Variants in PROM1 observed in about 807,000 individuals in gnomAD.
The protein encoded by PROM1 is prominin-1.
In PROM1, 105 loss-of-function variants were observed where a neutral mutation model predicts 116.9. The observed-to-expected ratio is 0.90, with a 90% CI of 0.77 to 1.06. The LOEUF is 1.06. Ranked by LOEUF, PROM1 falls within the 50% of genes least tolerant of loss-of-function variation. The pLI, the probability that PROM1 is intolerant of heterozygous loss-of-function variation, is 0.00. For synonymous variants in PROM1, 393 were observed against 387.0 expected (o/e 1.02, Z -0.18); for missense variants, 1,122 against 1,045.2 (o/e 1.07, Z -1.01).
chr4:16,083,059 C>T (rs1165286860), intron 1 of PROM1, among the ~76,000 whole-genome samples: 2 of 152,010 alleles, frequency 1.3e-5, no homozygotes, highest in East Asian at 3.9e-4. Flanking sequence ...CCCACGGACG[C>T]GGGGAGATGG....
Position 16,032,042 on chromosome 4 carries a change from C to T in PROM1, c.509+1262G>A, listed in dbSNP as rs534549933. Among the ~76,000 whole-genome samples, 10 of 152,286 alleles carry T rather than the reference C, an allele frequency of 6.6e-5. No homozygotes were observed. In the East Asian group the frequency reaches 1.5e-3, roughly 24 times the overall value. On this transcript the variant is annotated intron_variant, in intron 5 of 27. Coordinates refer to ENST00000447510, the MANE Select transcript of PROM1 (RefSeq NM_006017.3). Reference sequence around the variant, plus strand: ...GTTTCCTTCCTTCCCCTCCACAACCCTCAATTTCCTTTCCAGAGGCAACCA... The same window carrying T: ...GTTTCCTTCCTTCCCCTCCACAACCTTCAATTTCCTTTCCAGAGGCAACCA...
intron 24 of PROM1, 45 bp downstream of exon 24, chr4:15,980,377 C>T: frequency 7.8e-7 from 1 of 1,276,248 alleles, no homozygotes; most frequent in South Asian, 1.3e-5. Flanking sequence ...AAGACAGCAC[C>T]ACCTAGAAAA....
At chr4:16,020,760 T>C (rs1280699720) in intron 8 of PROM1, among the ~76,000 whole-genome samples, 1 of 152,186 alleles carries the variant, frequency 6.6e-6, no homozygotes, top group Non-Finnish European at 1.5e-5. Flanking sequence ...TTCTAGCCCA[T>C]GGATAATATT....
intron 22 of PROM1, among the ~76,000 whole-genome samples, chr4:15,984,755 G>T (rs546442150): frequency 6.6e-6 from 1 of 152,172 alleles, no homozygotes; most frequent in Non-Finnish European, 1.5e-5. Flanking sequence ...CTGATGATCT[G>T]TCACTGTCTC....
chr4:15,971,411 C>T, intron 26 of PROM1: 1 of 227,646 alleles, frequency 4.4e-6, no homozygotes. Context: ...CACAGCAGTA[C>T]ACATGTCTAC....
rs117540274 is a variant in PROM1, at chr4:16,005,607, C to T, written c.1454+931G>A. 4.8e-3 allele frequency among the ~76,000 whole-genome samples: 736 copies of T among 152,116 alleles called. 28 individuals carry two copies. The East Asian group carries it at 0.11, about 22-fold the overall frequency. ...TAATCAAATTAATGTACAGCATCTG[C>T]TCTCCAGCCCGCTCACTCACAGCCC... On this transcript the variant is annotated intron_variant, in intron 13 of 27. Transcript: ENST00000447510.
chr4:15,995,436 A>G (rs1443883024), intron 15 of PROM1, among the ~76,000 whole-genome samples: 1 of 152,150 alleles, frequency 6.6e-6, no homozygotes, highest in African/African-American at 2.4e-5. Context: ...AGGAAGAAGA[A>G]GAAGATTTAA....
chr4:16,075,108 CTG>C (rs1186852326), intron 2 of PROM1, among the ~76,000 whole-genome samples: 2 of 152,184 alleles, frequency 1.3e-5, no homozygotes, highest in African/African-American at 2.4e-5. Context: ...ACAAACAGCA[CTG>C]TGTGTGATGA....
At chr4:15,980,787 C>G (rs975534422) in intron 23 of PROM1, among the ~76,000 whole-genome samples, 1 of 151,670 alleles carries the variant, frequency 6.6e-6, no homozygotes, top group African/African-American at 2.4e-5. Context: ...ATTTTACAAA[C>G]GAGGAGCAGA....
intron 5 of PROM1, 119 bp from the exon 6 acceptor site, chr4:16,025,431 CT>C: frequency 8.0e-7 from 1 of 1,244,018 alleles, no homozygotes; most frequent in Non-Finnish European, 1.1e-6. Context: ...GGCCTTTCCT[CT>C]CCCGCTGCCC....
intron 4 of PROM1, among the ~76,000 whole-genome samples, chr4:16,034,975 T>A (rs1414048264): frequency 6.6e-6 from 1 of 152,244 alleles, no homozygotes; most frequent in Non-Finnish European, 1.5e-5. Context: ...AAATGGTAGT[T>A]AACTCTATGA....
intron 27 of PROM1, among the ~76,000 whole-genome samples, chr4:15,969,631 G>A (rs1207216898): frequency 1.3e-5 from 2 of 152,080 alleles, no homozygotes; most frequent in African/African-American, 4.8e-5. Flanking sequence ...CTGTCGCCCA[G>A]GCTGGAGTGC....
chr4:16,004,191 T>G (rs1227726614), intron 13 of PROM1, among the ~76,000 whole-genome samples: 2 of 152,210 alleles, frequency 1.3e-5, no homozygotes, highest in Non-Finnish European at 2.9e-5. Context: ...GCTGACTGGT[T>G]GCATTCAACA....
intron 13 of PROM1, among the ~76,000 whole-genome samples, chr4:16,003,879 T>C (rs914142127): frequency 4.6e-5 from 7 of 152,226 alleles, no homozygotes; most frequent in Non-Finnish European, 1.0e-4. Flanking sequence ...CTTCCAGATC[T>C]TTCACTGGTA....
chr4:16,035,035 T>C (rs530915809), intron 4 of PROM1, among the ~76,000 whole-genome samples: 1 of 152,342 alleles, frequency 6.6e-6, no homozygotes, highest in East Asian at 1.9e-4. Flanking sequence ...TTGAATATTA[T>C]CTACTTCCAT....
chr4:16,052,528 G>A (rs1246467452), intron 2 of PROM1, among the ~76,000 whole-genome samples: 1 of 152,202 alleles, frequency 6.6e-6, no homozygotes, highest in East Asian at 1.9e-4. Context: ...TCAGGCTGGA[G>A]TGCAGTGGTG....
At chr4:16,047,988 T>C (rs1736930037) in intron 2 of PROM1, among the ~76,000 whole-genome samples, 1 of 152,176 alleles carries the variant, frequency 6.6e-6, no homozygotes, top group Non-Finnish European at 1.5e-5. Context: ...TGAGTTCAAA[T>C]AAATGCCTTT....
At chr4:16,016,140 T>G (rs1380862215) in intron 10 of PROM1, 26 bp downstream of exon 10, 1 of 1,523,566 alleles carries the variant, frequency 6.6e-7, no homozygotes, top group African/African-American at 1.4e-5. Context: ...ATAAAATCAG[T>G]GATTGTATTT....
intron 8 of PROM1, among the ~76,000 whole-genome samples, chr4:16,022,698 AT>A (rs1451455240): frequency 6.6e-6 from 1 of 152,206 alleles, no homozygotes; most frequent in African/African-American, 2.4e-5. Context: ...TTTTCTCAAC[AT>A]TAGGAAGGGC....
Sources: allele counts gnomAD v4.1 joint callset (sites outside exome capture counted in the v4.1 genomes callset), GRCh38; gene constraint gnomAD v4.1.1; transcripts MANE v1.5; gene names NCBI Gene and HGNC (gene_info 2026-07-23, HGNC 2026-07-21).